RP1: variants seen among roughly 807,000 people sequenced by gnomAD.
The protein encoded by RP1 is RP1 axonemal microtubule associated.
A neutral mutation model predicts 14.8 loss-of-function variants in RP1; 16 were observed. That is an observed-to-expected ratio of 1.08 (90% CI 0.73 to 1.65). The LOEUF (loss-of-function observed/expected upper bound fraction) is 1.65, where lower values mean the gene tolerates loss of function less well. RP1 is among the 40% of genes most tolerant of loss of function. RP1 has a pLI of 0.00. For synonymous variants in RP1, 876 were observed against 883.6 expected, an observed-to-expected ratio of 0.99 and a Z score of 0.15; for missense variants, 2,631 against 2,535.0, an observed-to-expected ratio of 1.04 and a Z score of -0.81.
intron 1 of RP1, among the ~76,000 whole-genome samples, chr8:54,597,636 A>G (rs755050446): frequency 2.0e-5 from 3 of 152,194 alleles, no homozygotes; most frequent in Non-Finnish European, 4.4e-5. Context: ...GCAGGTTATT[A>G]ATGAAACTCA....
rs189641148 is a variant in RP1, at chr8:54,664,137, T to C, written c.1323+287T>C. ...GATACCTCATGTAAGGGAAATAATATAGTAATTGTCTTTTGTGACTGGCTT... is the reference window on the plus strand; with the variant it reads ...GATACCTCATGTAAGGGAAATAATACAGTAATTGTCTTTTGTGACTGGCTT... On this transcript the variant is annotated intron_variant, in intron 7 of 22. Transcript: ENST00000636932. Among the ~76,000 whole-genome samples, 6 of 152,272 alleles carry C rather than the reference T, an allele frequency of 3.9e-5. No individual in the cohort carries two copies. In the East Asian group the frequency reaches 7.7e-4, roughly 20 times the overall value.
In RP1 at chr8:54,793,536, T is replaced by C. The variant is rs146312704; in HGVS notation, c.3615+9826T>C. On this transcript the variant is annotated intron_variant, in intron 24 of 28. Coordinates refer to the RP1 transcript ENST00000637698. ...GGATGGTTCAATATGTACAAATTAA[T>C]AATTGTGATACACTGTATTAACAGA... Among the ~76,000 whole-genome samples, 249 of 152,064 alleles carry C rather than the reference T, an allele frequency of 1.6e-3. 1 individual carries two copies. Among genetic ancestry groups the C allele is most frequent in the African/African-American group, 5.6e-3 (232 of 41,566 alleles).
At chr8:54,863,777 A>G (rs185764124) in intron 27 of RP1, among the ~76,000 whole-genome samples, 3 of 152,362 alleles carry the variant, frequency 2.0e-5, no homozygotes, top group African/African-American at 7.2e-5. Flanking sequence ...AGTAACTGCA[A>G]TTGCATAAGT....
At chr8:54,739,144 CAGTG>C (rs1809006593) in intron 19 of RP1, 5 of 613,694 alleles carry the variant, frequency 8.1e-6, no homozygotes, top group Non-Finnish European at 1.3e-5. Context: ...CCTTGACTTA[CAGTG>C]GGGTTATGCC....
intron 1 of RP1, among the ~76,000 whole-genome samples, chr8:54,610,065 G>T (rs894608410): frequency 3.9e-5 from 6 of 151,968 alleles, no homozygotes; most frequent in Non-Finnish European, 7.4e-5. Flanking sequence ...GTTTTCTTTT[G>T]CCCCTATGCC....
intron 27 of RP1, among the ~76,000 whole-genome samples, chr8:54,863,044 G>GATAC (rs1554541290): frequency 9.8e-6 from 1 of 101,834 alleles, no homozygotes; most frequent in East Asian, 3.3e-4. Flanking sequence ...ATTCCAAATG[G>GATAC]ATATATATAT....
At chr8:54,704,412 A>G (rs1005067362) in intron 14 of RP1, among the ~76,000 whole-genome samples, 1 of 152,208 alleles carries the variant, frequency 6.6e-6, no homozygotes, top group Non-Finnish European at 1.5e-5. Context: ...TCACTGTCTT[A>G]TATGAGCATA....
At chr8:54,730,232 CA>C (rs1808761167) in intron 17 of RP1, among the ~76,000 whole-genome samples, 1 of 152,056 alleles carries the variant, frequency 6.6e-6, no homozygotes, top group African/African-American at 2.4e-5. Flanking sequence ...TTCTATAAAA[CA>C]ACCATTGTTG....
intron 1 of RP1, among the ~76,000 whole-genome samples, chr8:54,609,868 G>A (rs537764735): frequency 1.3e-5 from 2 of 152,298 alleles, no homozygotes; most frequent in Non-Finnish European, 2.9e-5. Flanking sequence ...GAAGGATGCA[G>A]CTCCAAGAGC....
chr8:54,797,211 A>T (rs1810597983), intron 24 of RP1, among the ~76,000 whole-genome samples: 1 of 152,280 alleles, frequency 6.6e-6, no homozygotes, highest in Non-Finnish European at 1.5e-5. Context: ...AAAAATCAAG[A>T]GATCTACTTT....
At chr8:54,849,478 A>G (rs3735979) in intron 25 of RP1, among the ~76,000 whole-genome samples, 68,656 of 151,862 alleles carry the variant, frequency 0.45, 17,037 homozygotes, top group African/African-American at 0.67. Context: ...AAGCAATTAT[A>G]TGTCCCCATG....
Position 54,626,943 on chromosome 8 carries a change from C to A in RP1, c.3061C>A (p.His1021Asn), listed in dbSNP as rs1386879925. 3 of 1,613,882 alleles carry A rather than the reference C, an allele frequency of 1.9e-6. No homozygotes were observed. Among genetic ancestry groups the A allele is most frequent in the Non-Finnish European group, 2.5e-6 (3 of 1,179,954 alleles). The change falls in exon 4 of 4, where the codon CAT becomes AAT. Residue 1021 changes from histidine (H) to asparagine (N), a missense_variant. Physicochemically the swap from His to Asn is moderately conservative, Grantham distance 68. Transcript: ENST00000220676. ...GAATGATGCTTATTTGGTTCCCCTG[C>A]ATGAACACTGTACTTTGTCACAGTC... Reference protein sequence around the residue: ...SLNDAYLVPLHEHCTLSQSAI... With the variant: ...SLNDAYLVPLNEHCTLSQSAI...
intron 3 of RP1, among the ~76,000 whole-genome samples, chr8:54,623,304 G>A (rs911616155): frequency 1.3e-5 from 2 of 152,116 alleles, no homozygotes; most frequent in African/African-American, 2.4e-5. Flanking sequence ...CAGGGAATCT[G>A]AGGGCTTTGT....
At chr8:54,721,216 A>G (rs1486563487) in intron 16 of RP1, among the ~76,000 whole-genome samples, 1 of 152,210 alleles carries the variant, frequency 6.6e-6, no homozygotes, top group African/African-American at 2.4e-5. Flanking sequence ...AAAATTTTGC[A>G]AACTGTTGGG....
chr8:54,630,420 A>T lies in RP1; in HGVS notation c.*67A>T. 1 of 1,593,952 alleles carries T rather than the reference A, an allele frequency of 6.3e-7. No individual in the cohort carries two copies. Among genetic ancestry groups the T allele is most frequent in the Non-Finnish European group, 8.6e-7 (1 of 1,168,822 alleles). On this transcript the variant is annotated 3_prime_UTR_variant, in exon 4 of 4. Coordinates refer to ENST00000220676, the MANE Select transcript of RP1 (RefSeq NM_006269.2). ...CCCATGAGATGAAGCACATGTGACGAATACGGACTAGATAACCTCTAAGAA... is the reference window on the plus strand; with the variant it reads ...CCCATGAGATGAAGCACATGTGACGTATACGGACTAGATAACCTCTAAGAA...
intron 25 of RP1, among the ~76,000 whole-genome samples, chr8:54,843,313 C>A (rs181763418): frequency 6.6e-6 from 1 of 152,252 alleles, no homozygotes; most frequent in Admixed American, 6.5e-5. Flanking sequence ...AACTCCTGAC[C>A]TCAGGTGATC....
intron 1 of RP1, among the ~76,000 whole-genome samples, chr8:54,578,255 G>T (rs1804704656): frequency 6.6e-6 from 1 of 152,074 alleles, no homozygotes; most frequent in African/African-American, 2.4e-5. Flanking sequence ...TGCCCAGGCT[G>T]GAGTGCAGTG....
At chr8:54,618,891 C>A (rs953562938) in intron 1 of RP1, among the ~76,000 whole-genome samples, 4 of 152,196 alleles carry the variant, frequency 2.6e-5, no homozygotes, top group Admixed American at 6.5e-5. Context: ...GAACTCCTAA[C>A]CTCGGGTGAT....
downstream of RP1, among the ~76,000 whole-genome samples, chr8:54,634,497 C>T (rs1806310693): frequency 1.5e-5 from 2 of 134,252 alleles, no homozygotes; most frequent in Non-Finnish European, 3.6e-5. Context: ...CAGAGATAAC[C>T]CCAAGAGGGC....
Sources: allele counts gnomAD v4.1 joint callset (sites outside exome capture counted in the v4.1 genomes callset), GRCh38; gene constraint gnomAD v4.1.1; transcripts MANE v1.5; gene names NCBI Gene and HGNC (gene_info 2026-07-23, HGNC 2026-07-21).